DPY19L4: variants seen among roughly 807,000 people sequenced by gnomAD.
DPY19L4 encodes probable C-mannosyltransferase DPY19L4.
A neutral mutation model predicts 102.8 loss-of-function variants in DPY19L4; 97 were observed. That is an observed-to-expected ratio of 0.94 (90% CI 0.80 to 1.12). DPY19L4 has a LOEUF of 1.12. Among genes scored for constraint, DPY19L4 ranks in the 50% most tolerant of loss-of-function variants. DPY19L4 has a pLI of 0.00. For synonymous variants in DPY19L4, 252 were observed against 283.1 expected (o/e 0.89, Z 1.10); for missense variants, 815 against 850.4 (o/e 0.96, Z 0.52).
At chr8:94,737,715 G>A (rs777556080) in intron 3 of DPY19L4, among the ~76,000 whole-genome samples, 3 of 151,720 alleles carry the variant, frequency 2.0e-5, no homozygotes, top group Non-Finnish European at 2.9e-5. Context: ...CCCAAGAGGC[G>A]GAGGTTGCAG....
chr8:94,769,054 G>GTTTTTT (rs1184803488), intron 12 of DPY19L4, among the ~76,000 whole-genome samples: 2 of 138,382 alleles, frequency 1.4e-5, no homozygotes, highest in African/African-American at 5.4e-5. Context: ...TTTAAACTTA[G>GTTTTTT]TTTTTTTGTT....
intron 15 of DPY19L4, 101 bp from the exon 16 acceptor site, chr8:94,780,983 T>G (rs901285308): frequency 7.4e-6 from 7 of 946,062 alleles, no homozygotes; most frequent in African/African-American, 1.7e-5. Context: ...TTGCCTTAAG[T>G]TAGTCTGTTA....
At chr8:94,723,073 A>G (rs1243040086) in intron 1 of DPY19L4, among the ~76,000 whole-genome samples, 1 of 152,238 alleles carries the variant, frequency 6.6e-6, no homozygotes, top group Admixed American at 6.5e-5. Context: ...ACTGTTTCAT[A>G]TGAAGATGAC....
chr8:94,728,044 C>T (rs1810767144), intron 2 of DPY19L4, among the ~76,000 whole-genome samples: 1 of 152,204 alleles, frequency 6.6e-6, no homozygotes, highest in East Asian at 1.9e-4. Flanking sequence ...TTACTGCAAC[C>T]TCCATCTTCT....
Position 94,792,988 on chromosome 8 carries a change from T to G in DPY19L4, c.*3078T>G, listed in dbSNP as rs916205098. 1 of 152,240 alleles carries G rather than the reference T, an allele frequency of 6.6e-6. No individual in the cohort carries two copies. Among genetic ancestry groups the G allele is most frequent in the Non-Finnish European group, 1.5e-5 (1 of 68,052 alleles). The allele number at this position is 152,240 out of a possible 1,614,324, so 9.4% of individuals were successfully genotyped here. A position where few individuals can be genotyped will look rare whatever the true frequency, so the allele number is the denominator to read the frequency against. ...GATATTGATTCTGAGCTGCTTTGTA[T>G]TTTTTCTGACTTTGGCATCTGTATC... On this transcript the variant is annotated 3_prime_UTR_variant, in exon 19 of 19. Transcript: ENST00000414645.
intron 17 of DPY19L4, among the ~76,000 whole-genome samples, chr8:94,786,565 T>A (rs1813662490): frequency 6.6e-6 from 1 of 150,988 alleles, no homozygotes; most frequent in Admixed American, 6.6e-5. Flanking sequence ...CAATATTCTG[T>A]TTTTCAATTT....
intron 15 of DPY19L4, 124 bp from the exon 16 acceptor site, chr8:94,780,960 G>T: frequency 2.9e-6 from 2 of 700,928 alleles, no homozygotes; most frequent in Non-Finnish European, 4.6e-6. Flanking sequence ...TGCGAACGGT[G>T]TTGTAATATC....
rs1195571300 is a variant in DPY19L4 at position 94,790,316 on chromosome 8, G to A, written c.*406G>A. 2 of 152,696 alleles carry A rather than the reference G, an allele frequency of 1.3e-5. No individual in the cohort carries two copies. Among genetic ancestry groups the A allele is most frequent in the East Asian group, 1.9e-4 (1 of 5,196 alleles). The allele number at this position is 152,696 out of a possible 1,614,324, so 9.5% of individuals were successfully genotyped here. A position where few individuals can be genotyped will look rare whatever the true frequency, so the allele number is the denominator to read the frequency against. On this transcript the variant is annotated 3_prime_UTR_variant, in exon 19 of 19. Transcript: ENST00000414645. ...ATTATTTAATAGAAAGAATAATTCC[G>A]ACCTTCAAGCAAGTTTCTGAAGGTA...
Position 94,789,947 on chromosome 8 carries a change from G to A in DPY19L4, c.*37G>A, listed in dbSNP as rs757001978. 10 of 1,568,464 alleles carry A rather than the reference G, an allele frequency of 6.4e-6. No homozygotes were observed. The Admixed American group carries it at 1.5e-4, about 23-fold the overall frequency. ...GCCTTCATTTCAAAGACTACCTGAA[G>A]TAAAATGCAGTTTTCTTCTACCTAC... On this transcript the variant is annotated 3_prime_UTR_variant, in exon 19 of 19. Coordinates refer to ENST00000414645, the MANE Select transcript of DPY19L4 (RefSeq NM_181787.3).
chr8:94,766,097 T>C (rs1812659937), intron 10 of DPY19L4, among the ~76,000 whole-genome samples: 1 of 152,224 alleles, frequency 6.6e-6, no homozygotes, highest in Non-Finnish European at 1.5e-5. Flanking sequence ...GAAAAGTGTT[T>C]AGAAGAGTGG....
At chr8:94,728,510 G>C (rs566941670) in intron 2 of DPY19L4, among the ~76,000 whole-genome samples, 68 of 152,324 alleles carry the variant, frequency 4.5e-4, no homozygotes, top group African/African-American at 1.6e-3. Flanking sequence ...TTCTCAGATT[G>C]CTTGCTCTGC....
intron 6 of DPY19L4, among the ~76,000 whole-genome samples, chr8:94,751,638 C>T (rs533454808): frequency 2.0e-5 from 3 of 151,928 alleles, no homozygotes; most frequent in Non-Finnish European, 4.4e-5. Context: ...TACAGGTGCG[C>T]ACCACCACGG....
At chr8:94,737,867 T>TAAAAC (rs1207636680) in intron 3 of DPY19L4, among the ~76,000 whole-genome samples, 1 of 151,414 alleles carries the variant, frequency 6.6e-6, no homozygotes, top group East Asian at 2.0e-4. Context: ...TACAAAAAAA[T>TAAAAC]AAAACAAAAC....
intron 14 of DPY19L4, among the ~76,000 whole-genome samples, chr8:94,779,670 A>G (rs1813345596): frequency 6.6e-6 from 1 of 152,136 alleles, no homozygotes; most frequent in Non-Finnish European, 1.5e-5. Flanking sequence ...GATTAATAGT[A>G]TGCCAGATTG....
At chr8:94,761,588 T>G (rs1368062441) in intron 7 of DPY19L4, 112 bp from the exon 8 acceptor site, 25 of 966,496 alleles carry the variant, frequency 2.6e-5, no homozygotes, top group Non-Finnish European at 3.3e-5. Flanking sequence ...TCAATAATTA[T>G]ATAGCTTAAA....
intron 1 of DPY19L4, chr8:94,720,313 A>T (rs1229236776): frequency 1.0e-6 from 1 of 966,292 alleles, no homozygotes; most frequent in Non-Finnish European, 1.2e-6. Flanking sequence ...GAGGGTCCTG[A>T]TCAGATTCTT....
chr8:94,749,355 T>C (rs1462337116), intron 6 of DPY19L4, among the ~76,000 whole-genome samples: 1 of 152,158 alleles, frequency 6.6e-6, no homozygotes, highest in African/African-American at 2.4e-5. Flanking sequence ...GAAATCAACA[T>C]TGAGACAAAG....
chr8:94,763,254 CTTTTTTTTTT>C (rs374208413), intron 8 of DPY19L4, among the ~76,000 whole-genome samples: 1 of 104,912 alleles, frequency 9.5e-6, no homozygotes. Context: ...GCCAAGGTAT[CTTTTTTTTTT>C]TTTTTTTTTT....
intron 3 of DPY19L4, among the ~76,000 whole-genome samples, chr8:94,736,482 G>A (rs1018725648): frequency 2.6e-5 from 4 of 152,072 alleles, no homozygotes; most frequent in African/African-American, 4.8e-5. Flanking sequence ...GGTAACATCC[G>A]TTAACATTTT....
Sources: gnomAD v4.1 joint callset for allele counts (sites outside exome capture counted in the v4.1 genomes callset) on GRCh38, gnomAD v4.1.1 for gene constraint, MANE v1.5 for transcripts, NCBI Gene and HGNC (gene_info 2026-07-23, HGNC 2026-07-21) for gene names.